NUDCD3: variants seen among roughly 807,000 people sequenced by gnomAD.
The protein encoded by NUDCD3 is nudC domain-containing protein 3.
NUDCD3 carries 13 observed loss-of-function variants against 39.7 expected under a neutral mutation model. The ratio of observed to expected loss-of-function variants is 0.33; its 90% CI spans 0.21 to 0.52. The LOEUF (loss-of-function observed/expected upper bound fraction) is 0.52, where lower values mean the gene tolerates loss of function less well. NUDCD3 is among the 20% of genes least tolerant of loss of function. NUDCD3 has a pLI of 0.96. For missense variants in NUDCD3, 453 were observed against 458.1 expected (o/e 0.99, Z 0.10); for synonymous variants, 175 against 172.4 (o/e 1.02, Z -0.12).
At chr7:44,426,107 T>C in intron 3 of NUDCD3, 1 of 985,300 alleles carries the variant, frequency 1.0e-6, no homozygotes, top group Non-Finnish European at 1.2e-6. Flanking sequence ...GGTTCTTTGC[T>C]TTGCCTCTCA....
At chr7:44,424,515 T>C (rs1799198161) in intron 3 of NUDCD3, among the ~76,000 whole-genome samples, 1 of 152,174 alleles carries the variant, frequency 6.6e-6, no homozygotes, top group Non-Finnish European at 1.5e-5. Flanking sequence ...AAGACATTTA[T>C]GTGGCCAACA....
At chr7:44,458,003 T>C (rs1432911813) in intron 2 of NUDCD3, among the ~76,000 whole-genome samples, 2 of 152,176 alleles carry the variant, frequency 1.3e-5, no homozygotes, top group African/African-American at 4.8e-5. Flanking sequence ...CAAATGAACA[T>C]ATATGTCTAC....
At chr7:44,446,324 G>GT (rs1159925000) in intron 2 of NUDCD3, among the ~76,000 whole-genome samples, 1 of 152,366 alleles carries the variant, frequency 6.6e-6, no homozygotes, top group Admixed American at 6.5e-5. Flanking sequence ...CCAGAGAGCA[G>GT]TAAGTACAAC....
intron 2 of NUDCD3, among the ~76,000 whole-genome samples, chr7:44,453,486 A>G (rs139047785): frequency 2.7e-3 from 407 of 152,358 alleles, no homozygotes; most frequent in Non-Finnish European, 4.9e-3. Flanking sequence ...AGAAAGCACT[A>G]AATCATTTTT....
chr7:44,441,388 T>C (rs190960033), intron 2 of NUDCD3, among the ~76,000 whole-genome samples: 1 of 152,294 alleles, frequency 6.6e-6, no homozygotes, highest in Admixed American at 6.5e-5. Context: ...TATTATATCC[T>C]GGGAGGACTT....
In NUDCD3 at chr7:44,392,501, A is replaced by G; in HGVS notation, c.787-16T>C. 1 of 1,612,068 alleles carries G rather than the reference A, an allele frequency of 6.2e-7. No homozygotes were observed. Among genetic ancestry groups the G allele is most frequent in the South Asian group, 1.1e-5 (1 of 90,754 alleles). ...TCAGGTTCACCTGGGGACAAGCAGG[A>G]CAGAGACCTGAGTCAGAGACCTGAG... On this transcript the variant is annotated splice_polypyrimidine_tract_variant and intron_variant, in intron 4 of 5. Coordinates refer to ENST00000355451, the MANE Select transcript of NUDCD3 (RefSeq NM_015332.4).
intron 4 of NUDCD3, among the ~76,000 whole-genome samples, chr7:44,393,917 C>T (rs1798570093): frequency 6.6e-6 from 1 of 152,158 alleles, no homozygotes; most frequent in African/African-American, 2.4e-5. Context: ...ACTGGAGACT[C>T]ACCAGTATAC....
Position 44,404,511 on chromosome 7 carries a change from C to T in NUDCD3, c.715G>A (p.Glu239Lys). The T allele has an allele frequency of 6.2e-7, 1 of 1,612,446 alleles. No homozygotes were observed. The highest frequency in any genetic ancestry group is 8.5e-7 in the Non-Finnish European group (1 of 1,179,376). Residue 239 changes from glutamate to lysine, a missense_variant, in exon 4 of 6, where the codon GAA becomes AAA. By Grantham distance (56) the Glu-to-Lys change is moderately conservative (BLOSUM62 1). Transcript: ENST00000355451. ...LEENGERVLM[E>K]GKLTHKINTE... Reference sequence around the variant, plus strand: ...TTGATCTTGTGGGTGAGCTTCCCTTCCATGAGGACGCGCTCCCCATTTTCC... The same window carrying T: ...TTGATCTTGTGGGTGAGCTTCCCTTTCATGAGGACGCGCTCCCCATTTTCC...
chr7:44,430,050 T>A (rs1206949327), intron 2 of NUDCD3, among the ~76,000 whole-genome samples: 3 of 152,228 alleles, frequency 2.0e-5, no homozygotes, highest in Non-Finnish European at 4.4e-5. Flanking sequence ...TGAAAAAGAC[T>A]GAAAGGAAGC....
chr7:44,486,683 C>T (rs1228631259), intron 1 of NUDCD3, among the ~76,000 whole-genome samples: 2 of 152,200 alleles, frequency 1.3e-5, no homozygotes, highest in Non-Finnish European at 2.9e-5. Flanking sequence ...GCTGATACTC[C>T]AGATCTTCAT....
In NUDCD3 at chr7:44,485,017, C is replaced by T. The variant is rs1418492484; in HGVS notation, c.460G>A (p.Ala154Thr). 6.2e-7 allele frequency: 1 copy of T among 1,614,182 alleles called. No individual in the cohort carries two copies. The highest frequency in any genetic ancestry group is 1.1e-5 in the South Asian group (1 of 91,074). The change falls in exon 2 of 6, where the codon GCA (alanine) becomes ACA (threonine). Residue 154 changes from alanine (A) to threonine (T), a missense_variant. By Grantham distance (58) the Ala-to-Thr change is moderately conservative. Transcript: ENST00000355451. ...GGGACTTCAGCAGCACCAGCAACTG[C>T]TCCTGGAGCTTCTGCCTCCTGTGAA... is the stretch of plus-strand genomic sequence containing the variant. ...HGSQEAEAPG[A>T]VAGAAEVPRE... is the part of the protein sequence containing the mutation.
intron 4 of NUDCD3, among the ~76,000 whole-genome samples, chr7:44,396,549 G>C (rs1459015276): frequency 6.6e-6 from 1 of 152,046 alleles, no homozygotes; most frequent in East Asian, 1.9e-4. Context: ...CTCACTCTGA[G>C]CTGCAGATCC....
chr7:44,427,637 C>G lies in NUDCD3; in HGVS notation c.576G>C (p.Trp192Cys). ...YNGAVRENYT[W>C]SQDYTDLEVR... The stretch of plus-strand genomic sequence containing the variant: ...CCTCCAGGTCAGTATAGTCCTGTGA[C>G]CAGGTGTAGTTCTCTCGGACAGCAC... Residue 192 changes from tryptophan to cysteine, a missense_variant, in exon 3 of 6, where the codon TGG becomes TGC. Trp to Cys is a radical substitution (Grantham distance 215). Transcript: ENST00000355451. 6.2e-7 allele frequency: 1 copy of G among 1,614,000 alleles called. No homozygotes were observed. Among genetic ancestry groups the G allele is most frequent in the Non-Finnish European group, 8.5e-7 (1 of 1,179,922 alleles).
intron 2 of NUDCD3, among the ~76,000 whole-genome samples, chr7:44,482,611 C>G (rs1800514777): frequency 6.6e-6 from 1 of 152,136 alleles, no homozygotes; most frequent in Non-Finnish European, 1.5e-5. Context: ...TCATTCTGAT[C>G]AGCAAATAAA....
At chr7:44,398,842 G>A (rs1462250006) in intron 4 of NUDCD3, among the ~76,000 whole-genome samples, 1 of 152,204 alleles carries the variant, frequency 6.6e-6, no homozygotes, top group Non-Finnish European at 1.5e-5. Context: ...CGTGGCAGAG[G>A]TCCAGGGCAC....
At chr7:44,476,166 A>T (rs1800364483) in intron 2 of NUDCD3, among the ~76,000 whole-genome samples, 2 of 152,202 alleles carry the variant, frequency 1.3e-5, no homozygotes, top group Non-Finnish European at 2.9e-5. Context: ...AGACGAAACA[A>T]GGAACCCAAA....
intron 4 of NUDCD3, among the ~76,000 whole-genome samples, chr7:44,395,007 C>A (rs1007382491): frequency 1.2e-4 from 18 of 152,188 alleles, no homozygotes; most frequent in African/African-American, 4.1e-4. Flanking sequence ...ACTTTGGACA[C>A]AGAAGTACAC....
chr7:44,483,947 T>C (rs1297015111), intron 2 of NUDCD3, among the ~76,000 whole-genome samples: 3 of 152,154 alleles, frequency 2.0e-5, no homozygotes, highest in African/African-American at 7.2e-5. Flanking sequence ...GTTCAATTCA[T>C]ATATTGCGCT....
intron 3 of NUDCD3, among the ~76,000 whole-genome samples, chr7:44,419,111 T>A (rs190660330): frequency 6.6e-6 from 1 of 152,218 alleles, no homozygotes; most frequent in Non-Finnish European, 1.5e-5. Flanking sequence ...GAAAGGAGGC[T>A]GAAGCCAGGG....
Sources: gnomAD v4.1 joint callset for allele counts (sites outside exome capture counted in the v4.1 genomes callset) on GRCh38, gnomAD v4.1.1 for gene constraint, MANE v1.5 for transcripts, NCBI Gene and HGNC (gene_info 2026-07-23, HGNC 2026-07-21) for gene names.